Variants in CA10 observed in about 807,000 individuals in gnomAD.
The protein encoded by CA10 is carbonic anhydrase 10 (inactive), also known as carbonic anhydrase-related protein 10.
CA10 carries 14 observed loss-of-function variants against 44.2 expected under a neutral mutation model. The ratio of observed to expected loss-of-function variants is 0.32; its 90% CI spans 0.21 to 0.50. The LOEUF is 0.50. Among genes scored for constraint, CA10 ranks in the 20% least tolerant of loss-of-function variants. The pLI, the probability that CA10 is intolerant of heterozygous loss-of-function variation, is 0.99. For synonymous variants in CA10, 159 were observed against 141.6 expected (o/e 1.12, Z -0.87); for missense variants, 350 against 409.7 (o/e 0.85, Z 1.26).
intron 3 of CA10, among the ~76,000 whole-genome samples, chr17:51,780,910 G>A (rs887184493): frequency 3.9e-5 from 6 of 152,186 alleles, no homozygotes; most frequent in African/African-American, 1.4e-4. Flanking sequence ...ACTCTGTTGT[G>A]GTAGCATGAC....
chr17:51,640,249 C>T (rs975074322), intron 6 of CA10, among the ~76,000 whole-genome samples: 1 of 152,160 alleles, frequency 6.6e-6, no homozygotes, highest in Non-Finnish European at 1.5e-5. Context: ...GCAGCTCTAC[C>T]TGCTGGCAGT....
At position 51,726,110 on chromosome 17, in the gene CA10, G is replaced by A. The variant is rs79393080; in HGVS notation, c.465+21523C>T. Among the ~76,000 whole-genome samples, 403 of 152,306 alleles carry A rather than the reference G, an allele frequency of 2.6e-3. 2 individuals are homozygous for A. The highest frequency in any genetic ancestry group is 0.019 in the East Asian group (98 of 5,184). On this transcript the variant is annotated intron_variant, in intron 4 of 8. Coordinates refer to ENST00000451037, the MANE Select transcript of CA10 (RefSeq NM_020178.5). Reference sequence around the variant, plus strand: ...GGCAAACAGGGCAGGAGGATGGAGCGTTCTGGGCAGATGAATGCCTATGCA... The same window carrying A: ...GGCAAACAGGGCAGGAGGATGGAGCATTCTGGGCAGATGAATGCCTATGCA...
At chr17:51,906,025 C>T (rs11869742) in intron 3 of CA10, among the ~76,000 whole-genome samples, 2,713 of 152,122 alleles carry the variant, frequency 0.018, 46 homozygotes, top group South Asian at 0.064. Flanking sequence ...CATTATCTTG[C>T]GTGGAGGAGG....
chr17:51,876,492 C>G (rs757014944), intron 3 of CA10, among the ~76,000 whole-genome samples: 55 of 151,650 alleles, frequency 3.6e-4, no homozygotes, highest in Non-Finnish European at 3.2e-4. Flanking sequence ...GTTTTTATTT[C>G]TTTAGTGCAA....
chr17:51,707,075 G>C (rs750932558), intron 4 of CA10, among the ~76,000 whole-genome samples: 1 of 152,116 alleles, frequency 6.6e-6, no homozygotes, highest in Non-Finnish European at 1.5e-5. Flanking sequence ...TTACAAAAGA[G>C]TTTTTGTTCT....
intron 3 of CA10, among the ~76,000 whole-genome samples, chr17:51,807,871 G>A (rs1267386074): frequency 6.6e-6 from 1 of 152,224 alleles, no homozygotes; most frequent in Non-Finnish European, 1.5e-5. Flanking sequence ...GAACATTAGT[G>A]GAACCTTGCA....
chr17:52,158,479 T>A lies in CA10; in HGVS notation c.-693A>T, dbSNP rs147271029. ...GCCGGCAGCCTCCGCCGACCCTCCC[T>A]GCTCCCCAGGTCCGCGCGCAGCCTG... On this transcript the variant is annotated 5_prime_UTR_variant, in exon 1 of 9. Transcript: ENST00000451037. 6.0e-3 allele frequency: 948 copies of A among 159,000 alleles called. 7 individuals carry two copies. Among genetic ancestry groups the A allele is most frequent in the Non-Finnish European group, 9.2e-3 (672 of 73,176 alleles). 9.8% of individuals were successfully genotyped at this position (159,000 alleles called of 1,614,324 possible).
intron 2 of CA10, among the ~76,000 whole-genome samples, chr17:51,961,217 A>G (rs1368778068): frequency 2.0e-5 from 3 of 151,782 alleles, no homozygotes; most frequent in African/African-American, 7.3e-5. Context: ...ACACACACAC[A>G]CACACACACA....
chr17:51,900,201 G>A (rs1981252024), intron 3 of CA10, among the ~76,000 whole-genome samples: 1 of 152,068 alleles, frequency 6.6e-6, no homozygotes, highest in African/African-American at 2.4e-5. Context: ...TTCCCTTAAG[G>A]ACCTCTTATA....
In CA10 at chr17:51,850,523, T is replaced by A. The variant is rs184956683; in HGVS notation, c.279+80467A>T. 9.8e-5 allele frequency among the ~76,000 whole-genome samples: 15 copies of A among 152,328 alleles called. No homozygotes were observed. In the East Asian group the frequency reaches 2.7e-3, roughly 27 times the overall value. On this transcript the variant is annotated intron_variant, in intron 3 of 8. Transcript: ENST00000451037. Reference sequence around the variant, plus strand: ...AGGTCTCTGTAATAGGTGAGGTCTCTGCTAAGCACATTACATTCATTCTCT... The same window carrying A: ...AGGTCTCTGTAATAGGTGAGGTCTCAGCTAAGCACATTACATTCATTCTCT...
At chr17:51,669,600 A>G (rs1368516847) in intron 4 of CA10, among the ~76,000 whole-genome samples, 3 of 152,172 alleles carry the variant, frequency 2.0e-5, no homozygotes, top group African/African-American at 7.2e-5. Flanking sequence ...GAAGGTCTGC[A>G]GCTTCACTCC....
intron 2 of CA10, among the ~76,000 whole-genome samples, chr17:51,955,630 C>T (rs115178409): frequency 6.6e-6 from 1 of 152,170 alleles, no homozygotes; most frequent in Non-Finnish European, 1.5e-5. Context: ...AAATGAATCA[C>T]TCCCCCACCT....
intron 2 of CA10, among the ~76,000 whole-genome samples, chr17:52,041,818 A>G (rs1228034492): frequency 6.6e-6 from 1 of 152,060 alleles, no homozygotes; most frequent in Non-Finnish European, 1.5e-5. Context: ...TTTATTTCAC[A>G]TATAAGTGAG....
chr17:51,632,190 C>A (rs1435497687), intron 8 of CA10, among the ~76,000 whole-genome samples: 1 of 152,190 alleles, frequency 6.6e-6, no homozygotes, highest in Non-Finnish European at 1.5e-5. Context: ...CATATTTACT[C>A]TCTGTCCTTT....
chr17:51,791,396 A>G (rs1310013618), intron 3 of CA10, among the ~76,000 whole-genome samples: 1 of 152,232 alleles, frequency 6.6e-6, no homozygotes, highest in African/African-American at 2.4e-5. Flanking sequence ...CCATCTGTAT[A>G]TTCATTTTGA....
At position 52,106,424 on chromosome 17, in the gene CA10, G is replaced by C. The variant is rs925498605; in HGVS notation, c.62-34031C>G. On this transcript the variant is annotated intron_variant, in intron 1 of 8. Coordinates refer to ENST00000451037, the MANE Select transcript of CA10 (RefSeq NM_020178.5). ...GGAGGAAAAGGGAGGTGTGAGAAAT[G>C]AGTTAAGAGCTACTCCCCATCACAT... 6.6e-5 allele frequency among the ~76,000 whole-genome samples: 10 copies of C among 152,324 alleles called. No homozygotes were observed. The South Asian group carries it at 1.9e-3, about 28-fold the overall frequency.
In CA10 at chr17:51,900,429, C is replaced by T. The variant is rs558660610; in HGVS notation, c.279+30561G>A. 2.0e-5 allele frequency among the ~76,000 whole-genome samples: 3 copies of T among 152,244 alleles called. No homozygotes were observed. In the East Asian group the frequency reaches 5.8e-4, roughly 29 times the overall value. On this transcript the variant is annotated intron_variant, in intron 3 of 8. Transcript: ENST00000451037. ...CTGATGGGGTTCTCTTTGTAGGTGA[C>T]CTGCCCCTTCTCTCTAGCTTACTTT...
At chr17:51,782,037 A>T (rs951424964) in intron 3 of CA10, among the ~76,000 whole-genome samples, 2 of 152,224 alleles carry the variant, frequency 1.3e-5, no homozygotes, top group African/African-American at 2.4e-5. Context: ...CCGATGTTCT[A>T]ATTCATTCCA....
chr17:52,066,743 T>A (rs760886902), intron 2 of CA10, among the ~76,000 whole-genome samples: 14 of 152,166 alleles, frequency 9.2e-5, no homozygotes, highest in Non-Finnish European at 1.9e-4. Context: ...AAAAAACTTG[T>A]TGGAAACGGG....
Sources: allele counts gnomAD v4.1 joint callset (sites outside exome capture counted in the v4.1 genomes callset), GRCh38; gene constraint gnomAD v4.1.1; transcripts MANE v1.5; gene names NCBI Gene and HGNC (gene_info 2026-07-23, HGNC 2026-07-21).